The following CERS6 variants were observed in gnomAD, a reference collection of about 807,000 sequenced individuals.
CERS6 encodes ceramide synthase 6.
A neutral mutation model predicts 56.8 loss-of-function variants in CERS6; 26 were observed. The observed-to-expected ratio is 0.46, with a 90% confidence interval of 0.34 to 0.63. The LOEUF (loss-of-function observed/expected upper bound fraction) is 0.63, where lower values mean the gene tolerates loss of function less well. CERS6 is among the 30% of genes least tolerant of loss of function. CERS6 has a pLI of 0.01. For synonymous variants in CERS6, 164 were observed against 173.3 expected (o/e 0.95, Z 0.42); for missense variants, 415 against 467.5 (o/e 0.89, Z 1.04).
chr2:168,545,266 TAGC>T (rs1321536365), intron 1 of CERS6, among the ~76,000 whole-genome samples: 1 of 152,172 alleles, frequency 6.6e-6, no homozygotes, highest in Admixed American at 6.5e-5. Flanking sequence ...CATAGCCAGA[TAGC>T]AGCAGAAATA....
chr2:168,649,764 C>T (rs2105315979), intron 4 of CERS6, among the ~76,000 whole-genome samples: 1 of 152,182 alleles, frequency 6.6e-6, no homozygotes, highest in East Asian at 1.9e-4. Context: ...TCCCTCCCCT[C>T]CTCCCTCTGG....
chr2:168,667,658 A>G (rs903675532), intron 4 of CERS6, among the ~76,000 whole-genome samples: 2 of 152,154 alleles, frequency 1.3e-5, no homozygotes, highest in South Asian at 2.1e-4. Context: ...ACTCGGAGTC[A>G]TCATTGATTC....
At chr2:168,579,675 C>T (rs1364721937) in intron 3 of CERS6, among the ~76,000 whole-genome samples, 3 of 152,182 alleles carry the variant, frequency 2.0e-5, no homozygotes, top group Non-Finnish European at 4.4e-5. Context: ...CCACCTGGAG[C>T]TCCCATGAGA....
chr2:168,681,448 T>C (rs149073657), intron 4 of CERS6, among the ~76,000 whole-genome samples: 1 of 152,202 alleles, frequency 6.6e-6, no homozygotes, highest in Non-Finnish European at 1.5e-5. Context: ...ACTATTAACG[T>C]TGTTTATAAA....
At chr2:168,547,769 T>A in intron 2 of CERS6, 68 bp downstream of exon 2, 1 of 1,119,720 alleles carries the variant, frequency 8.9e-7, no homozygotes, top group Non-Finnish European at 1.4e-6. Context: ...GTCATTCAAT[T>A]TGTCCCCTTC....
intron 3 of CERS6, among the ~76,000 whole-genome samples, chr2:168,583,446 A>G (rs928206089): frequency 5.3e-5 from 8 of 152,280 alleles, no homozygotes; most frequent in Non-Finnish European, 1.0e-4. Context: ...CCAACTACAG[A>G]ATCTTTTTAG....
At chr2:168,605,636 G>A (rs2105267301) in intron 3 of CERS6, among the ~76,000 whole-genome samples, 2 of 152,274 alleles carry the variant, frequency 1.3e-5, no homozygotes, top group Middle Eastern at 6.8e-3. Context: ...ATGGTTTCCT[G>A]GGCTAGGCCC....
intron 8 of CERS6, among the ~76,000 whole-genome samples, chr2:168,756,700 C>T (rs1288842733): frequency 6.6e-6 from 1 of 152,072 alleles, no homozygotes; most frequent in African/African-American, 2.4e-5. Flanking sequence ...AATGTGGGGA[C>T]GGATCGGCTC....
chr2:168,680,148 A>G (rs927886916), intron 4 of CERS6, among the ~76,000 whole-genome samples: 4 of 152,208 alleles, frequency 2.6e-5, no homozygotes, highest in Non-Finnish European at 5.9e-5. Flanking sequence ...AGGCAGAAAG[A>G]CAGAGGGGTC....
intron 1 of CERS6, among the ~76,000 whole-genome samples, chr2:168,477,326 A>G (rs1454593089): frequency 6.6e-6 from 1 of 152,046 alleles, no homozygotes; most frequent in Non-Finnish European, 1.5e-5. Flanking sequence ...CTCAACATGC[A>G]AGTTTGGGGG....
chr2:168,572,858 A>C (rs1696016228), intron 3 of CERS6, among the ~76,000 whole-genome samples: 1 of 152,084 alleles, frequency 6.6e-6, no homozygotes, highest in Admixed American at 6.6e-5. Context: ...CACTCAGCAC[A>C]ATGTCTGGTG....
At chr2:168,715,616 A>G (rs1379408406) in intron 7 of CERS6, among the ~76,000 whole-genome samples, 2 of 152,164 alleles carry the variant, frequency 1.3e-5, no homozygotes, top group African/African-American at 2.4e-5. Context: ...TATGTTTTCT[A>G]TATATGTAAG....
In CERS6 at chr2:168,742,817, T is replaced by G. The variant is rs1030563219; in HGVS notation, c.846-22775T>G. On this transcript the variant is annotated intron_variant, in intron 8 of 9. Coordinates refer to ENST00000305747, the MANE Select transcript of CERS6 (RefSeq NM_203463.3). ...AGGGACTGTGTTGTGGGTCTTTGTA[T>G]AAGGTGTTTGGGTTTTTATTCTAAT... is the stretch of plus-strand genomic sequence containing the variant. Among the ~76,000 whole-genome samples the G allele has an allele frequency of 3.3e-5, 5 of 152,282 alleles. No individual in the cohort carries two copies. The South Asian group carries it at 1.0e-3, about 32-fold the overall frequency.
intron 1 of CERS6, among the ~76,000 whole-genome samples, chr2:168,520,229 C>G (rs1191250860): frequency 1.3e-5 from 2 of 152,070 alleles, no homozygotes; most frequent in Non-Finnish European, 2.9e-5. Context: ...ATTTGTATGT[C>G]TTTTGAGAAG....
At chr2:168,725,084 G>A (rs1015187080) in intron 8 of CERS6, among the ~76,000 whole-genome samples, 6 of 152,260 alleles carry the variant, frequency 3.9e-5, no homozygotes, top group African/African-American at 1.2e-4. Context: ...CGAGCGCAGC[G>A]CCAGTGGGCT....
intron 1 of CERS6, among the ~76,000 whole-genome samples, chr2:168,530,603 G>A (rs1482596846): frequency 6.6e-6 from 1 of 152,138 alleles, no homozygotes; most frequent in East Asian, 1.9e-4. Flanking sequence ...AATTTTATGA[G>A]CTTCATCCTT....
chr2:168,772,515 A>G lies in CERS6; in HGVS notation c.*2853A>G, dbSNP rs980232950. On this transcript the variant is annotated 3_prime_UTR_variant, in exon 10 of 10. Coordinates refer to ENST00000305747, the MANE Select transcript of CERS6 (RefSeq NM_203463.3). Reference sequence around the variant, plus strand: ...TCATAAAACCCACTCACCAGGTACAATAGAAACTTCCCTCCTTGTTTGTCA... The same window carrying G: ...TCATAAAACCCACTCACCAGGTACAGTAGAAACTTCCCTCCTTGTTTGTCA... The G allele has an allele frequency of 6.6e-6, 1 of 152,634 alleles. No homozygotes were observed. The highest frequency in any genetic ancestry group is 1.5e-5 in the Non-Finnish European group (1 of 68,026). 9.5% of individuals were successfully genotyped at this position (152,634 alleles called of 1,614,324 possible).
At chr2:168,591,735 A>G (rs997990778) in intron 3 of CERS6, among the ~76,000 whole-genome samples, 1 of 152,224 alleles carries the variant, frequency 6.6e-6, no homozygotes, top group Non-Finnish European at 1.5e-5. Context: ...ATAAAGATGC[A>G]TAAAAACAGA....
At chr2:168,739,717 C>T (rs746585962) in intron 8 of CERS6, among the ~76,000 whole-genome samples, 7 of 151,970 alleles carry the variant, frequency 4.6e-5, no homozygotes, top group Non-Finnish European at 5.9e-5. Context: ...GCAACTGACT[C>T]CACTGCCTTC....
Sources: gnomAD v4.1 joint callset for allele counts (sites outside exome capture counted in the v4.1 genomes callset) on GRCh38, gnomAD v4.1.1 for gene constraint, MANE v1.5 for transcripts, NCBI Gene and HGNC (gene_info 2026-07-23, HGNC 2026-07-21) for gene names.